Variants in FUT8 observed in about 807,000 individuals in gnomAD.
FUT8 encodes the protein alpha-(1,6)-fucosyltransferase.
A neutral mutation model predicts 71.3 loss-of-function variants in FUT8; 29 were observed. That is an observed-to-expected ratio of 0.41 (90% CI 0.30 to 0.55). The LOEUF (loss-of-function observed/expected upper bound fraction) is 0.55, where lower values mean the gene tolerates loss of function less well. FUT8 is among the 20% of genes least tolerant of loss of function. The pLI, the probability that FUT8 is intolerant of heterozygous loss-of-function variation, is 0.34. For missense variants in FUT8, 544 were observed against 702.1 expected (o/e 0.77, Z 2.55); for synonymous variants, 254 against 239.3 (o/e 1.06, Z -0.57).
intron 3 of FUT8, among the ~76,000 whole-genome samples, chr14:65,584,291 G>A (rs1273444333): frequency 6.6e-6 from 1 of 151,514 alleles, no homozygotes; most frequent in Non-Finnish European, 1.5e-5. Flanking sequence ...CGATTCTCCT[G>A]CCTCAGACCC....
intron 1 of FUT8, among the ~76,000 whole-genome samples, chr14:65,433,539 A>G (rs2065508270): frequency 6.6e-6 from 1 of 152,232 alleles, no homozygotes; most frequent in Non-Finnish European, 1.5e-5. Context: ...AGAGCATGCA[A>G]TGGCAGAATG....
chr14:65,602,412 A>C (rs1298715354), intron 3 of FUT8, among the ~76,000 whole-genome samples: 1 of 142,808 alleles, frequency 7.0e-6, no homozygotes, highest in African/African-American at 2.6e-5. Flanking sequence ...CAGTTTCTTT[A>C]TCCACTCATT....
intron 2 of FUT8, among the ~76,000 whole-genome samples, chr14:65,545,438 T>C (rs1302739160): frequency 1.3e-5 from 2 of 151,910 alleles, no homozygotes; most frequent in East Asian, 1.9e-4. Context: ...CTTTATCAAC[T>C]TGAAAAATTT....
At chr14:65,599,657 C>T (rs12587057) in intron 3 of FUT8, among the ~76,000 whole-genome samples, 105,103 of 151,998 alleles carry the variant, frequency 0.69, 36,601 homozygotes, top group East Asian at 0.89. Flanking sequence ...TTTACAAGTC[C>T]GTTTTCAACA....
At chr14:65,583,841 T>A (rs904377497) in intron 3 of FUT8, among the ~76,000 whole-genome samples, 1 of 152,196 alleles carries the variant, frequency 6.6e-6, no homozygotes, top group Non-Finnish European at 1.5e-5. Context: ...GACAGCAATT[T>A]ATTTCCATTA....
At chr14:65,488,581 C>G (rs2139711966) in intron 2 of FUT8, 1 of 152,332 alleles carries the variant, frequency 6.6e-6, no homozygotes, top group South Asian at 2.1e-4. Flanking sequence ...ATTTTGACTA[C>G]AGGTGAGCCA....
At chr14:65,700,591 G>T (rs1894242583) in intron 7 of FUT8, among the ~76,000 whole-genome samples, 1 of 151,688 alleles carries the variant, frequency 6.6e-6, no homozygotes, top group Non-Finnish European at 1.5e-5. Context: ...AGTAGAGACG[G>T]GGTTTCACCG....
chr14:65,695,181 A>T (rs1191595200), intron 7 of FUT8, among the ~76,000 whole-genome samples: 4 of 152,206 alleles, frequency 2.6e-5, no homozygotes, highest in Non-Finnish European at 5.9e-5. Context: ...AATTAGATTG[A>T]TGGTGCTGCT....
At chr14:65,576,694 TGC>T (rs1281189600) in intron 3 of FUT8, among the ~76,000 whole-genome samples, 1 of 109,482 alleles carries the variant, frequency 9.1e-6, no homozygotes, top group African/African-American at 3.4e-5. Context: ...ATGCCCAGCT[TGC>T]TTTTTTTTTT....
chr14:65,525,811 C>T (rs1301171951), intron 2 of FUT8, among the ~76,000 whole-genome samples: 3 of 152,142 alleles, frequency 2.0e-5, no homozygotes, highest in South Asian at 4.1e-4. Flanking sequence ...GCCTTCATTT[C>T]GTTACGTACC....
chr14:65,720,792 C>T (rs553413486), intron 7 of FUT8, among the ~76,000 whole-genome samples: 6 of 152,138 alleles, frequency 3.9e-5, no homozygotes, highest in Non-Finnish European at 8.8e-5. Context: ...AGGCTCCAAC[C>T]GCTGGGATGG....
At chr14:65,687,093 C>G (rs142384039) in intron 7 of FUT8, among the ~76,000 whole-genome samples, 1 of 151,942 alleles carries the variant, frequency 6.6e-6, no homozygotes, top group Non-Finnish European at 1.5e-5. Context: ...CCAGGACTAG[C>G]CCTCTCTTTA....
At chr14:65,713,942 C>A (rs972913905) in intron 7 of FUT8, among the ~76,000 whole-genome samples, 13 of 152,128 alleles carry the variant, frequency 8.5e-5, no homozygotes, top group African/African-American at 3.1e-4. Context: ...GAAATCTTTA[C>A]CCACTCCAGT....
chr14:65,696,069 A>G (rs940160574), intron 7 of FUT8, among the ~76,000 whole-genome samples: 2 of 152,130 alleles, frequency 1.3e-5, no homozygotes, highest in African/African-American at 2.4e-5. Flanking sequence ...CATTACTATC[A>G]TTCGTGTTAG....
At chr14:65,527,633 T>C (rs1208098845) in intron 2 of FUT8, among the ~76,000 whole-genome samples, 1 of 152,212 alleles carries the variant, frequency 6.6e-6, no homozygotes, top group African/African-American at 2.4e-5. Context: ...CTCTGATTTT[T>C]AGAATTTTCA....
chr14:65,450,462 T>C lies in FUT8; in HGVS notation c.-325-5159T>C, dbSNP rs1489227627. 3.3e-5 allele frequency among the ~76,000 whole-genome samples: 5 copies of C among 152,346 alleles called. No homozygotes were observed. In the South Asian group the frequency reaches 8.3e-4, roughly 25 times the overall value. On this transcript the variant is annotated intron_variant, in intron 1 of 10. Transcript: ENST00000673929. ...TTATTATGTTCATGTTCAGTTAGTCTACAGCAGATCTTGTAACGTTCGACT... is the reference window on the plus strand; with the variant it reads ...TTATTATGTTCATGTTCAGTTAGTCCACAGCAGATCTTGTAACGTTCGACT...
rs80129845 is a variant in FUT8, at chr14:65,688,168, A to G, written c.835+18688A>G. Among the ~76,000 whole-genome samples, 843 of 152,326 alleles carry G rather than the reference A, an allele frequency of 5.5e-3. 4 individuals are homozygous for G. Among genetic ancestry groups the G allele is most frequent in the African/African-American group, 0.016 (650 of 41,578 alleles). On this transcript the variant is annotated intron_variant, in intron 7 of 10. Transcript: ENST00000673929. Reference sequence around the variant, plus strand: ...CAATTCTCTTGCTTTTGCCAAATGCATAATGTCATTTATTCACTGTAGCAT... The same window carrying G: ...CAATTCTCTTGCTTTTGCCAAATGCGTAATGTCATTTATTCACTGTAGCAT...
At chr14:65,611,193 ACACACG>A (rs1446985660) in intron 3 of FUT8, among the ~76,000 whole-genome samples, 4 of 3,420 alleles carry the variant, frequency 1.2e-3, no homozygotes, top group African/African-American at 3.4e-3. Flanking sequence ...ATACACACAC[ACACACG>A]CGCGCGCGCG....
At chr14:65,411,124 T>C (rs1219859156), upstream of FUT8, 1 of 152,214 alleles carries the variant, frequency 6.6e-6, no homozygotes, top group Non-Finnish European at 1.5e-5. Context: ...TGCTTATACG[T>C]TTAGTACAGA....
Sources: allele counts gnomAD v4.1 joint callset (sites outside exome capture counted in the v4.1 genomes callset), GRCh38; gene constraint gnomAD v4.1.1; transcripts MANE v1.5; gene names NCBI Gene and HGNC (gene_info 2026-07-23, HGNC 2026-07-21).